MBNL2: variants seen among roughly 807,000 people sequenced by gnomAD.
MBNL2 encodes the protein muscleblind like splicing regulator 2, also known as muscleblind-like protein 2.
Under a neutral mutation model 41.9 loss-of-function variants are expected in MBNL2, and 17 were observed. The ratio of observed to expected loss-of-function variants is 0.41; its 90% confidence interval spans 0.28 to 0.61. The LOEUF (loss-of-function observed/expected upper bound fraction) is 0.61, where lower values mean the gene tolerates loss of function less well. MBNL2 is among the 20% of genes least tolerant of loss of function. MBNL2 has a pLI of 0.35. For missense variants in MBNL2, 336 were observed against 505.6 expected, an observed-to-expected ratio of 0.66 and a Z score of 3.22; for synonymous variants, 195 against 182.9, an observed-to-expected ratio of 1.07 and a Z score of -0.53.
At position 97,356,790 on chromosome 13, in the gene MBNL2, TAA is replaced by T; in HGVS notation, c.805-3_805-2del. ...CCATCATGTGCTCGCTGCCTGTTATTAAAAGACTCAGTCGACTGCCAAAGCAA... is the reference window on the plus strand; with the variant it reads ...CCATCATGTGCTCGCTGCCTGTTATTAAGACTCAGTCGACTGCCAAAGCAA... On this transcript the variant is annotated splice_polypyrimidine_tract_variant and splice_region_variant and intron_variant, in intron 5 of 8. Coordinates refer to ENST00000679496, the MANE Select transcript of MBNL2 (RefSeq NM_001382683.1). 7.3e-7 allele frequency: 1 copy of T among 1,362,312 alleles called. No individual in the cohort carries two copies. Among genetic ancestry groups the T allele is most frequent in the Non-Finnish European group, 9.8e-7 (1 of 1,017,566 alleles). The allele number at this position is 1,362,312 out of a possible 1,614,324, so 84.4% of individuals were successfully genotyped here.
chr13:97,143,748 A>G, the MBNL2 span, among the ~76,000 whole-genome samples: 3 of 152,318 alleles, frequency 2.0e-5, no homozygotes, highest in Non-Finnish European at 2.9e-5. Flanking sequence ...TAATTTCTCT[A>G]TATGTATAAA....
chr13:97,264,553 G>C (rs1456900501), intron 1 of MBNL2, among the ~76,000 whole-genome samples: 4 of 152,068 alleles, frequency 2.6e-5, no homozygotes, highest in Non-Finnish European at 5.9e-5. Context: ...GTATAAAGTA[G>C]CTTTCTGTTG....
At chr13:97,166,816 AT>A in the MBNL2 span, among the ~76,000 whole-genome samples, 4 of 151,216 alleles carry the variant, frequency 2.6e-5, no homozygotes, top group African/African-American at 7.3e-5. Context: ...AGATAGATAG[AT>A]AGATAGATAG....
intron 2 of MBNL2, among the ~76,000 whole-genome samples, chr13:97,324,647 G>A (rs2059773322): frequency 6.6e-6 from 1 of 152,188 alleles, no homozygotes; most frequent in African/African-American, 2.4e-5. Context: ...ACAAGGTGAA[G>A]TCCTGCACTA....
intron 1 of MBNL2, among the ~76,000 whole-genome samples, chr13:97,240,461 A>T (rs1333236806): frequency 6.6e-6 from 1 of 152,246 alleles, no homozygotes; most frequent in East Asian, 1.9e-4. Flanking sequence ...AATATACATT[A>T]ATAAATAAGA....
At chr13:97,181,813 A>C in the MBNL2 span, among the ~76,000 whole-genome samples, 1 of 152,304 alleles carries the variant, frequency 6.6e-6, no homozygotes, top group South Asian at 2.1e-4. Context: ...GCCACCATGA[A>C]GATGATGTCT....
chr13:97,183,550 C>T, the MBNL2 span, among the ~76,000 whole-genome samples: 40 of 152,312 alleles, frequency 2.6e-4, no homozygotes, highest in Non-Finnish European at 3.8e-4. Flanking sequence ...ATCCTCTCTG[C>T]CCAGATACCA....
intron 2 of MBNL2, among the ~76,000 whole-genome samples, chr13:97,313,141 C>G (rs544053753): frequency 1.3e-5 from 2 of 152,288 alleles, no homozygotes; most frequent in East Asian, 3.9e-4. Context: ...ACCTCAGGAC[C>G]ATGAATTGGA....
At chr13:97,212,812 G>A in the MBNL2 span, among the ~76,000 whole-genome samples, 1 of 152,204 alleles carries the variant, frequency 6.6e-6, no homozygotes, top group East Asian at 1.9e-4. Flanking sequence ...CTTGTCATGA[G>A]TAGCATTTGA....
intron 2 of MBNL2, among the ~76,000 whole-genome samples, chr13:97,303,200 G>A (rs185560704): frequency 3.9e-5 from 6 of 152,250 alleles, no homozygotes; most frequent in South Asian, 2.1e-4. Flanking sequence ...TGAGTTCCTC[G>A]GGGAGGTGGC....
At chr13:97,374,515 T>G (rs1483191356) in intron 8 of MBNL2, among the ~76,000 whole-genome samples, 1 of 151,490 alleles carries the variant, frequency 6.6e-6, no homozygotes. Context: ...TGCCTCAGCC[T>G]CCTGAGTAGC....
intron 1 of MBNL2, among the ~76,000 whole-genome samples, chr13:97,256,307 TA>T (rs568005287): frequency 2.2e-3 from 317 of 144,172 alleles, no homozygotes; most frequent in African/African-American, 7.1e-3. Context: ...TGACTTTAAG[TA>T]AAAAAAAAAA....
the MBNL2 span, among the ~76,000 whole-genome samples, chr13:97,142,691 G>A: frequency 1.3e-5 from 2 of 152,136 alleles, no homozygotes; most frequent in African/African-American, 2.4e-5. Flanking sequence ...CCTGACCTCC[G>A]CTTCCGCTTC....
chr13:97,167,006 C>T, the MBNL2 span, among the ~76,000 whole-genome samples: 1 of 152,142 alleles, frequency 6.6e-6, no homozygotes, highest in Non-Finnish European at 1.5e-5. Flanking sequence ...TAATCTGATT[C>T]TCCCCATTGG....
chr13:97,390,101 C>A (rs2066280509), intron 8 of MBNL2, among the ~76,000 whole-genome samples: 2 of 152,022 alleles, frequency 1.3e-5, no homozygotes, highest in Non-Finnish European at 2.9e-5. Context: ...CAAAGAATGA[C>A]CTTATCTGAA....
rs1048380689 is a variant in MBNL2, at chr13:97,310,084, C to T, written c.175-24192C>T. On this transcript the variant is annotated intron_variant, in intron 2 of 8. Coordinates refer to ENST00000679496, the MANE Select transcript of MBNL2 (RefSeq NM_001382683.1). ...GACTGTCGGGCAGAGGACTTAGCCC[C>T]TGGCAGAAATGTCAAGGTGTAAGGC... 3.9e-5 allele frequency among the ~76,000 whole-genome samples: 6 copies of T among 152,154 alleles called. No homozygotes were observed. In the East Asian group the frequency reaches 1.2e-3, roughly 29 times the overall value.
the MBNL2 span, among the ~76,000 whole-genome samples, chr13:97,176,468 G>T: frequency 6.6e-6 from 1 of 152,124 alleles, no homozygotes; most frequent in Non-Finnish European, 1.5e-5. Context: ...GTAGATGGTA[G>T]AGGGAGGCAT....
At chr13:97,354,731 T>G (rs572831610) in intron 5 of MBNL2, among the ~76,000 whole-genome samples, 25 of 152,220 alleles carry the variant, frequency 1.6e-4, no homozygotes, top group Admixed American at 3.3e-4. Flanking sequence ...CTTTGTTAAG[T>G]CAAAATTTTG....
At chr13:97,203,445 C>T in the MBNL2 span, among the ~76,000 whole-genome samples, 1 of 152,178 alleles carries the variant, frequency 6.6e-6, no homozygotes, top group Non-Finnish European at 1.5e-5. Flanking sequence ...CTAGTTTAAC[C>T]TGTATTCCTA....
Sources: allele counts gnomAD v4.1 joint callset (sites outside exome capture counted in the v4.1 genomes callset), GRCh38; gene constraint gnomAD v4.1.1; transcripts MANE v1.5; gene names NCBI Gene and HGNC (gene_info 2026-07-23, HGNC 2026-07-21).